Variants in PIWIL2 observed in about 807,000 individuals in gnomAD.
PIWIL2 encodes piwi-like protein 2.
In PIWIL2, 81 loss-of-function variants were observed where a neutral mutation model predicts 116.5. That is an observed-to-expected ratio of 0.70 (90% CI 0.58 to 0.84). The LOEUF is 0.84. Among genes scored for constraint, PIWIL2 ranks in the 40% least tolerant of loss-of-function variants. The probability of loss-of-function intolerance (pLI) is 0.00; values close to 1 mark genes in which losing one functional copy is unlikely to be tolerated. For synonymous variants in PIWIL2, 489 were observed against 429.5 expected, an observed-to-expected ratio of 1.14 and a Z score of -1.71; for missense variants, 1,272 against 1,212.3, an observed-to-expected ratio of 1.05 and a Z score of -0.73.
At chr8:22,353,764 CTTTTTTTTTTTT>C (rs760913894) in intron 21 of PIWIL2, among the ~76,000 whole-genome samples, 18 of 68,364 alleles carry the variant, frequency 2.6e-4, no homozygotes, top group South Asian at 1.6e-3. Flanking sequence ...GTTTCTACCA[CTTTTTTTTTTTT>C]TTTTTTTTTT....
chr8:22,301,695 A>T (rs1831053202), intron 10 of PIWIL2, among the ~76,000 whole-genome samples: 1 of 149,474 alleles, frequency 6.7e-6, no homozygotes, highest in East Asian at 2.0e-4. Flanking sequence ...CCAAGAAATC[A>T]TTGCCTAACT....
intron 20 of PIWIL2, among the ~76,000 whole-genome samples, chr8:22,331,707 C>T (rs918099193): frequency 6.6e-6 from 1 of 152,086 alleles, no homozygotes; most frequent in African/African-American, 2.4e-5. Flanking sequence ...CTCACAGTTT[C>T]GGAAGTCAGA....
chr8:22,294,377 C>CA (rs1830837824), intron 10 of PIWIL2, among the ~76,000 whole-genome samples: 1 of 144,756 alleles, frequency 6.9e-6, no homozygotes, highest in Non-Finnish European at 1.5e-5. Context: ...CGTGGTGGCT[C>CA]ACGCCTGTAA....
chr8:22,308,995 C>G (rs545455928), intron 14 of PIWIL2, among the ~76,000 whole-genome samples: 2 of 151,760 alleles, frequency 1.3e-5, no homozygotes, highest in Non-Finnish European at 2.9e-5. Flanking sequence ...GGGTTTCATT[C>G]TTGTTGGCCA....
In PIWIL2 at chr8:22,314,894, AATT is replaced by A. The variant is rs141924949; in HGVS notation, c.2092-130_2092-128del. On this transcript the variant is annotated intron_variant, in intron 17 of 22. Transcript: ENST00000356766. ...GCATGCCTAGAAACCCTAGAATTAG[AATT>A]ATTAATGCGAAATGTGTTATCTTCT... The A allele has an allele frequency of 9.1e-3, 5,996 of 656,462 alleles. 246 individuals carry two copies. The African/African-American group carries it at 0.094, about 10-fold the overall frequency. 40.7% of individuals were successfully genotyped at this position (656,462 alleles called of 1,614,324 possible).
chr8:22,352,817 C>G lies in PIWIL2; in HGVS notation c.2404-142C>G, dbSNP rs1832402947. ...AATGATTAGAAGCTTTTTTTCCCTG[C>G]CCTCTAGGCACAGTAGCTTTGGCAC... is the stretch of plus-strand genomic sequence containing the variant. On this transcript the variant is annotated intron_variant, in intron 20 of 22. Transcript: ENST00000356766. 3.3e-5 allele frequency: 25 copies of G among 753,826 alleles called. No homozygotes were observed. The South Asian group carries it at 5.5e-4, about 17-fold the overall frequency. 46.7% of individuals were successfully genotyped at this position (753,826 alleles called of 1,614,324 possible).
intron 15 of PIWIL2, among the ~76,000 whole-genome samples, chr8:22,310,846 CTTCTT>C (rs1228330010): frequency 5.3e-5 from 8 of 152,148 alleles, no homozygotes; most frequent in African/African-American, 1.7e-4. Flanking sequence ...CTGTGTCTGG[CTTCTT>C]TTCTTAAATT....
chr8:22,288,080 C>T (rs1304265775), intron 7 of PIWIL2, among the ~76,000 whole-genome samples: 1 of 152,048 alleles, frequency 6.6e-6, no homozygotes, highest in East Asian at 1.9e-4. Flanking sequence ...AGGTGGATCA[C>T]GAGGTCACGA....
rs375915481 is a variant in PIWIL2 at position 22,340,139 on chromosome 8, G to A, written c.2404-12820G>A. On this transcript the variant is annotated intron_variant, in intron 20 of 22. Transcript: ENST00000356766. ...GCAATCTCAGCTCACCGCAACCTCC[G>A]CCTCCCGGGATCAAGTGATTCTCCT... Among the ~76,000 whole-genome samples the A allele has an allele frequency of 2.5e-3, 317 of 129,118 alleles. 5 individuals are homozygous for A. Among genetic ancestry groups the A allele is most frequent in the African/African-American group, 8.4e-3 (289 of 34,466 alleles). The allele number at this position is 129,118 out of a possible 152,430, so 84.7% of individuals were successfully genotyped here.
intron 20 of PIWIL2, among the ~76,000 whole-genome samples, chr8:22,338,457 G>A (rs896508080): frequency 2.0e-5 from 3 of 152,114 alleles, no homozygotes; most frequent in African/African-American, 7.2e-5. Flanking sequence ...TTAGAAGACC[G>A]AGGTGGGCGG....
At chr8:22,314,498 A>G (rs2132050042) in intron 17 of PIWIL2, 69 bp downstream of exon 17, 2 of 701,190 alleles carry the variant, frequency 2.9e-6, no homozygotes, top group South Asian at 2.5e-5. Context: ...GAAGAGGGAT[A>G]TGTGTGTTCA....
chr8:22,322,260 C>CAT (rs1164775822), intron 20 of PIWIL2, among the ~76,000 whole-genome samples: 1 of 151,860 alleles, frequency 6.6e-6, no homozygotes, highest in Non-Finnish European at 1.5e-5. Flanking sequence ...CTCCCCCCCA[C>CAT]CTTTTTTTTT....
intron 20 of PIWIL2, among the ~76,000 whole-genome samples, chr8:22,329,360 A>C (rs1831805419): frequency 6.6e-6 from 1 of 152,222 alleles, no homozygotes. Context: ...CTTTACACGA[A>C]GCATAATGCT....
rs1229533691 is a variant in PIWIL2 at position 22,308,091 on chromosome 8, A to T, written c.1686+18A>T. On this transcript the variant is annotated intron_variant, in intron 14 of 22. Coordinates refer to ENST00000356766, the MANE Select transcript of PIWIL2 (RefSeq NM_018068.5). The stretch of plus-strand genomic sequence containing the variant: ...TACATAAGGTAAACCAAAAAACGTG[A>T]TGGTGTATGCACATGTACAGAGACA... 6.2e-7 allele frequency: 1 copy of T among 1,608,750 alleles called. No homozygotes were observed. The highest frequency in any genetic ancestry group is 2.2e-5 in the East Asian group (1 of 44,798).
At chr8:22,288,494 G>A (rs1213399209) in intron 7 of PIWIL2, 48 bp from the exon 8 acceptor site, 1 of 1,534,334 alleles carries the variant, frequency 6.5e-7, no homozygotes, top group Admixed American at 1.7e-5. Context: ...TTGGTCATTA[G>A]TTCTTAGTTT....
At chr8:22,294,531 C>A (rs1405488544) in intron 10 of PIWIL2, among the ~76,000 whole-genome samples, 1 of 149,048 alleles carries the variant, frequency 6.7e-6, no homozygotes, top group Non-Finnish European at 1.5e-5. Context: ...GTCCCAGCTA[C>A]TCAGGAGGAT....
intron 19 of PIWIL2, among the ~76,000 whole-genome samples, chr8:22,316,724 C>T (rs1005034770): frequency 2.0e-5 from 3 of 152,034 alleles, no homozygotes; most frequent in Non-Finnish European, 2.9e-5. Context: ...TCAGGTGATC[C>T]GCCCACCTCA....
chr8:22,304,238 C>G, intron 11 of PIWIL2, 29 bp downstream of exon 11: 1 of 1,529,436 alleles, frequency 6.5e-7, no homozygotes, highest in Non-Finnish European at 9.0e-7. Context: ...GTTTGGGCCT[C>G]AGGGTGGGGG....
chr8:22,349,419 G>GTATATATATATATATATA (rs71206515), intron 20 of PIWIL2, among the ~76,000 whole-genome samples: 2 of 134,440 alleles, frequency 1.5e-5, no homozygotes, highest in African/African-American at 2.7e-5. Context: ...ATGTGTGTGT[G>GTATATATATATATATATA]TATATATATA....
Sources: gnomAD v4.1 joint callset for allele counts (sites outside exome capture counted in the v4.1 genomes callset) on GRCh38, gnomAD v4.1.1 for gene constraint, MANE v1.5 for transcripts, NCBI Gene and HGNC (gene_info 2026-07-23, HGNC 2026-07-21) for gene names.